Variants in MSN observed in about 807,000 individuals in gnomAD.
MSN encodes the protein epididymis luminal protein 70.
MSN carries 2 observed loss-of-function variants against 48.0 expected under a neutral mutation model. The observed-to-expected ratio is 0.04, with a 90% CI of 0.02 to 0.13. The LOEUF (loss-of-function observed/expected upper bound fraction) is 0.13. Among genes scored for constraint, MSN ranks in the 10% least tolerant of loss-of-function variants. MSN has a pLI of 1.00. For synonymous variants in MSN, 146 were observed against 166.9 expected (o/e 0.87, Z 0.97); for missense variants, 267 against 470.1 (o/e 0.57, Z 3.99).
intron 1 of MSN, among the ~76,000 whole-genome samples, chrX:65,631,897 G>A (rs1219878904): frequency 1.8e-5 from 2 of 111,156 alleles, no homozygotes; most frequent in East Asian, 2.8e-4. Context: ...GGCTCGTTTC[G>A]GATTCCTGGG....
Position 65,741,481 on chromosome X carries a change from T to A in MSN, c.*1588T>A, listed in dbSNP as rs1234365389. The A allele has an allele frequency of 1.2e-5, 2 of 167,017 alleles. No homozygotes were observed. Among genetic ancestry groups the A allele is most frequent in the African/African-American group, 3.0e-5 (1 of 33,398 alleles). 13.8% of individuals were successfully genotyped at this position (167,017 alleles called of 1,213,427 possible). On this transcript the variant is annotated 3_prime_UTR_variant, in exon 13 of 13. Coordinates refer to ENST00000360270, the MANE Select transcript of MSN (RefSeq NM_002444.3). The stretch of plus-strand genomic sequence containing the variant: ...TAAGAAGCTTTCAGTATTAGTGATG[T>A]CATCTGTCACTATAGGTCATACAAT...
At chrX:65,738,004 T>C (rs764659796) in intron 10 of MSN, among the ~76,000 whole-genome samples, 7 of 112,379 alleles carry the variant, frequency 6.2e-5, no homozygotes, top group Non-Finnish European at 9.4e-5. Flanking sequence ...GAGGTGGGAA[T>C]AGAGGGAACC....
chrX:65,633,703 C>A (rs1268463566), intron 1 of MSN, among the ~76,000 whole-genome samples: 4 of 112,167 alleles, frequency 3.6e-5, no homozygotes, highest in Non-Finnish European at 7.5e-5. Context: ...GCCTTAGTTG[C>A]CTCATCTGTA....
At chrX:65,649,400 TAA>T (rs1162390207) in intron 1 of MSN, among the ~76,000 whole-genome samples, 89 of 74,365 alleles carry the variant, frequency 1.2e-3, no homozygotes, top group African/African-American at 4.0e-3. Flanking sequence ...CCATCTCTAC[TAA>T]AAAAAAAAAA....
At chrX:65,728,056 G>C (rs2071585185) in intron 3 of MSN, 147 bp downstream of exon 3, 1 of 455,458 alleles carries the variant, frequency 2.2e-6, no homozygotes, top group East Asian at 3.8e-5. Context: ...ATCAGAATAA[G>C]GACCGAGGAC....
intron 1 of MSN, among the ~76,000 whole-genome samples, chrX:65,699,284 C>T (rs2071276735): frequency 8.9e-6 from 1 of 111,877 alleles, no homozygotes; most frequent in African/African-American, 3.3e-5. Context: ...GAGACCCAAT[C>T]TCTGAACCAC....
At chrX:65,730,853 A>G (rs2071615304) in intron 4 of MSN, among the ~76,000 whole-genome samples, 1 of 111,576 alleles carries the variant, frequency 9.0e-6, no homozygotes, top group Non-Finnish European at 1.9e-5. Context: ...TGATTTGTGG[A>G]TGAAGGTACA....
chrX:65,679,897 A>C (rs1394633620), intron 1 of MSN, among the ~76,000 whole-genome samples: 1 of 112,593 alleles, frequency 8.9e-6, no homozygotes, highest in Non-Finnish European at 1.9e-5. Flanking sequence ...TAACCAGAGA[A>C]GCCTTAGTTG....
At chrX:65,613,540 C>T (rs1308763141) in intron 1 of MSN, among the ~76,000 whole-genome samples, 5 of 112,485 alleles carry the variant, frequency 4.4e-5, no homozygotes, top group African/African-American at 1.6e-4. Flanking sequence ...GCATCTGTTT[C>T]CTGACGTTTT....
intron 1 of MSN, among the ~76,000 whole-genome samples, chrX:65,714,485 A>AT (rs938915756): frequency 2.1e-4 from 23 of 108,734 alleles, no homozygotes; most frequent in Middle Eastern, 4.7e-3. Flanking sequence ...ATCTGTTATT[A>AT]TTTTTTTTTG....
intron 1 of MSN, among the ~76,000 whole-genome samples, chrX:65,678,928 G>T (rs943222938): frequency 1.8e-5 from 2 of 111,978 alleles, no homozygotes; most frequent in Admixed American, 1.9e-4. Flanking sequence ...CTTGGAAAGC[G>T]TGTAGCAGAG....
At chrX:65,668,683 C>G (rs990055951) in intron 1 of MSN, among the ~76,000 whole-genome samples, 4 of 111,733 alleles carry the variant, frequency 3.6e-5, no homozygotes, top group African/African-American at 1.3e-4. Context: ...ACAGAAGCCT[C>G]CTGGGAGTGG....
intron 1 of MSN, among the ~76,000 whole-genome samples, chrX:65,620,225 G>C (rs1049053503): frequency 1.8e-5 from 2 of 112,688 alleles, no homozygotes; most frequent in African/African-American, 6.4e-5. Flanking sequence ...TTGATCTGTG[G>C]TAGTCTCCAC....
intron 1 of MSN, among the ~76,000 whole-genome samples, chrX:65,684,998 CAA>C (rs1039286405): frequency 8.9e-6 from 1 of 112,551 alleles, no homozygotes; most frequent in African/African-American, 3.2e-5. Context: ...CTCAGCCTCC[CAA>C]AGTGTTGGGA....
At chrX:65,719,533 G>A (rs1366313761) in intron 2 of MSN, among the ~76,000 whole-genome samples, 1 of 111,627 alleles carries the variant, frequency 9.0e-6, no homozygotes, top group African/African-American at 3.3e-5. Flanking sequence ...TCCTTGACAG[G>A]CTTTTTACTG....
At chrX:65,711,546 ATAT>A (rs751259667) in intron 1 of MSN, among the ~76,000 whole-genome samples, 20 of 112,604 alleles carry the variant, frequency 1.8e-4, no homozygotes, top group Non-Finnish European at 2.4e-4. Context: ...ATTTCTCAAA[ATAT>A]TATTTATGCT....
At chrX:65,728,280 TTTTG>T (rs1354831084) in intron 3 of MSN, among the ~76,000 whole-genome samples, 1 of 111,578 alleles carries the variant, frequency 9.0e-6, no homozygotes, top group African/African-American at 3.3e-5. Flanking sequence ...TTTGTGTTTT[TTTTG>T]TTTGTTTGTT....
At chrX:65,724,959 TTATA>T (rs2071553830) in intron 2 of MSN, among the ~76,000 whole-genome samples, 2 of 111,953 alleles carry the variant, frequency 1.8e-5, no homozygotes, top group South Asian at 7.5e-4. Context: ...AGTGCTGGGA[TTATA>T]AGCGTGAGCC....
intron 1 of MSN, among the ~76,000 whole-genome samples, chrX:65,679,177 TG>T (rs1356046458): frequency 9.0e-6 from 1 of 111,534 alleles, no homozygotes; most frequent in African/African-American, 3.3e-5. Flanking sequence ...CTACAGTTGC[TG>T]GCTATTTTTG....
Sources: allele counts gnomAD v4.1 joint callset (sites outside exome capture counted in the v4.1 genomes callset), GRCh38; gene constraint gnomAD v4.1.1; transcripts MANE v1.5; gene names NCBI Gene and HGNC (gene_info 2026-07-23, HGNC 2026-07-21).